LRFN2: variants seen among roughly 807,000 people sequenced by gnomAD.
The protein encoded by LRFN2 is leucine rich repeat and fibronectin type III domain containing 2.
LRFN2 carries 18 observed loss-of-function variants against 37.3 expected under a neutral mutation model. The ratio of observed to expected loss-of-function variants is 0.48; its 90% confidence interval spans 0.33 to 0.72. The LOEUF (loss-of-function observed/expected upper bound fraction) is 0.72. Among genes scored for constraint, LRFN2 ranks in the 30% least tolerant of loss-of-function variants. The pLI is 0.02. For missense variants in LRFN2, 1,006 were observed against 1,060.7 expected, an observed-to-expected ratio of 0.95 and a Z score of 0.72; for synonymous variants, 556 against 466.6, an observed-to-expected ratio of 1.19 and a Z score of -2.47.
At chr6:40,467,421 G>C (rs1201877607) in intron 1 of LRFN2, among the ~76,000 whole-genome samples, 1 of 152,050 alleles carries the variant, frequency 6.6e-6, no homozygotes, top group Non-Finnish European at 1.5e-5. Flanking sequence ...ACCTAAATCA[G>C]AGGAGGTGAC....
At chr6:40,441,383 C>T (rs970530894) in intron 1 of LRFN2, among the ~76,000 whole-genome samples, 2 of 151,812 alleles carry the variant, frequency 1.3e-5, no homozygotes, top group Admixed American at 6.6e-5. Flanking sequence ...CTCCTGAGGG[C>T]GTGTGAGTGA....
intron 1 of LRFN2, among the ~76,000 whole-genome samples, chr6:40,575,218 A>G (rs1470325508): frequency 6.6e-6 from 1 of 151,622 alleles, no homozygotes; most frequent in Non-Finnish European, 1.5e-5. Context: ...GCGGGCTGGA[A>G]CTGGCAGAGT....
At chr6:40,581,563 G>A (rs116207852) in intron 1 of LRFN2, among the ~76,000 whole-genome samples, 4,139 of 152,250 alleles carry the variant, frequency 0.027, 93 homozygotes, top group Admixed American at 0.041. Flanking sequence ...TCCCCAGGGG[G>A]GCATTTCTAG....
intron 2 of LRFN2, among the ~76,000 whole-genome samples, chr6:40,425,957 A>G (rs1763344747): frequency 6.6e-6 from 1 of 152,172 alleles, no homozygotes; most frequent in Non-Finnish European, 1.5e-5. Flanking sequence ...GTTTTCAGAC[A>G]TTGCTCTTAG....
chr6:40,581,241 C>A (rs1419269921), intron 1 of LRFN2, among the ~76,000 whole-genome samples: 1 of 152,194 alleles, frequency 6.6e-6, no homozygotes, highest in Admixed American at 6.5e-5. Context: ...ACTTCCAGGG[C>A]CTAGATGGCT....
intron 1 of LRFN2, among the ~76,000 whole-genome samples, chr6:40,580,555 C>T (rs900711839): frequency 1.3e-5 from 2 of 152,220 alleles, no homozygotes; most frequent in African/African-American, 4.8e-5. Flanking sequence ...CTCATCCTGA[C>T]CCTGCTACCT....
chr6:40,547,981 C>T (rs1766696446), intron 1 of LRFN2, among the ~76,000 whole-genome samples: 2 of 152,042 alleles, frequency 1.3e-5, no homozygotes, highest in Non-Finnish European at 2.9e-5. Context: ...CTGATGGGAC[C>T]CTGAACAATA....
chr6:40,570,187 T>G (rs1474116391), intron 1 of LRFN2, among the ~76,000 whole-genome samples: 1 of 152,140 alleles, frequency 6.6e-6, no homozygotes, highest in African/African-American at 2.4e-5. Context: ...CCTCAACTAC[T>G]TCCTTGAAGA....
chr6:40,576,905 C>T (rs181424706), intron 1 of LRFN2, among the ~76,000 whole-genome samples: 7 of 151,930 alleles, frequency 4.6e-5, no homozygotes, highest in East Asian at 3.9e-4. Context: ...CCCACACCAA[C>T]CCTCCATCAT....
At chr6:40,411,787 C>T (rs753449278) in intron 2 of LRFN2, among the ~76,000 whole-genome samples, 1 of 152,060 alleles carries the variant, frequency 6.6e-6, no homozygotes, top group Admixed American at 6.5e-5. Flanking sequence ...CCCACCACCC[C>T]CAGCACCCTG....
chr6:40,531,708 A>C (rs1005455886), intron 1 of LRFN2, among the ~76,000 whole-genome samples: 1 of 152,022 alleles, frequency 6.6e-6, no homozygotes, highest in African/African-American at 2.4e-5. Flanking sequence ...GATTCTACTT[A>C]TACAATAGTT....
intron 2 of LRFN2, among the ~76,000 whole-genome samples, chr6:40,405,884 T>A (rs543935437): frequency 6.6e-6 from 1 of 152,290 alleles, no homozygotes; most frequent in South Asian, 2.1e-4. Flanking sequence ...CCTTACCTGG[T>A]GACAGGTGAG....
intron 1 of LRFN2, chr6:40,516,193 A>G (rs1158295905): frequency 6.6e-6 from 1 of 152,170 alleles, no homozygotes; most frequent in Non-Finnish European, 1.5e-5. Flanking sequence ...AAACCCCTTC[A>G]GGCTGGGTGA....
chr6:40,411,668 T>G (rs1762970360), intron 2 of LRFN2, among the ~76,000 whole-genome samples: 1 of 152,036 alleles, frequency 6.6e-6, no homozygotes. Flanking sequence ...TCCTTCTGCC[T>G]GGAGGGCCCT....
At chr6:40,565,095 A>T (rs1213590361) in intron 1 of LRFN2, among the ~76,000 whole-genome samples, 1 of 152,216 alleles carries the variant, frequency 6.6e-6, no homozygotes, top group East Asian at 1.9e-4. Flanking sequence ...GGAGGGCAGG[A>T]TGTATAAGAG....
chr6:40,443,328 G>A (rs957210107), intron 1 of LRFN2, among the ~76,000 whole-genome samples: 1 of 152,188 alleles, frequency 6.6e-6, no homozygotes, highest in Non-Finnish European at 1.5e-5. Flanking sequence ...ATAGAAAACA[G>A]CCGCAATAGG....
At chr6:40,522,807 G>A (rs1271125722) in intron 1 of LRFN2, among the ~76,000 whole-genome samples, 1 of 152,196 alleles carries the variant, frequency 6.6e-6, no homozygotes, top group Non-Finnish European at 1.5e-5. Context: ...AGAAAAAAGG[G>A]GGAATCAGGG....
chr6:40,473,094 C>T (rs891137795), intron 1 of LRFN2, among the ~76,000 whole-genome samples: 4 of 152,172 alleles, frequency 2.6e-5, no homozygotes, highest in Non-Finnish European at 4.4e-5. Flanking sequence ...GCCTCCAGAT[C>T]CCTCCTCTTA....
intron 2 of LRFN2, among the ~76,000 whole-genome samples, chr6:40,402,054 C>T (rs895151310): frequency 1.3e-5 from 2 of 152,220 alleles, no homozygotes; most frequent in Non-Finnish European, 2.9e-5. Flanking sequence ...GCAGCCCTTA[C>T]TCCCAGATTC....
Sources: gnomAD v4.1 joint callset for allele counts (sites outside exome capture counted in the v4.1 genomes callset) on GRCh38, gnomAD v4.1.1 for gene constraint, MANE v1.5 for transcripts, NCBI Gene and HGNC (gene_info 2026-07-23, HGNC 2026-07-21) for gene names.